The following GPR158 variants were observed in gnomAD, a reference collection of about 807,000 sequenced individuals.
The protein encoded by GPR158 is G protein-coupled receptor 158.
A neutral mutation model predicts 78.2 loss-of-function variants in GPR158; 30 were observed. That is an observed-to-expected ratio of 0.38 (90% CI 0.29 to 0.52). The LOEUF (loss-of-function observed/expected upper bound fraction) is 0.52, where lower values mean the gene tolerates loss of function less well. GPR158 is among the 20% of genes least tolerant of loss of function. GPR158 has a pLI of 0.83. For synonymous variants in GPR158, 581 were observed against 591.1 expected (o/e 0.98, Z 0.25); for missense variants, 1,463 against 1,523.5 (o/e 0.96, Z 0.66).
intron 2 of GPR158, among the ~76,000 whole-genome samples, chr10:25,271,878 G>A (rs1442281542): frequency 6.6e-6 from 1 of 151,994 alleles, no homozygotes. Context: ...GACCTCAGGT[G>A]ATCTGCCCAC....
intron 2 of GPR158, among the ~76,000 whole-genome samples, chr10:25,288,885 A>G (rs1044365138): frequency 6.6e-5 from 10 of 152,162 alleles, no homozygotes; most frequent in Non-Finnish European, 1.5e-4. Flanking sequence ...TCTGTTTTCT[A>G]ACTCTTCTCT....
intron 2 of GPR158, among the ~76,000 whole-genome samples, chr10:25,222,231 T>A (rs1303769024): frequency 6.6e-6 from 1 of 151,754 alleles, no homozygotes; most frequent in Non-Finnish European, 1.5e-5. Context: ...CCAACTATCT[T>A]TTCACTGTTT....
intron 2 of GPR158, among the ~76,000 whole-genome samples, chr10:25,292,217 T>C (rs1471703719): frequency 6.6e-6 from 1 of 152,050 alleles, no homozygotes; most frequent in Non-Finnish European, 1.5e-5. Context: ...AAAAAGGCAC[T>C]TAAGTAAAAA....
At chr10:25,205,371 TG>T (rs1853010213) in intron 1 of GPR158, among the ~76,000 whole-genome samples, 1 of 151,860 alleles carries the variant, frequency 6.6e-6, no homozygotes, top group Admixed American at 6.6e-5. Flanking sequence ...TAGTTTTTCA[TG>T]TCTTAATTTC....
chr10:25,289,010 G>A (rs550713824), intron 2 of GPR158, among the ~76,000 whole-genome samples: 1 of 151,858 alleles, frequency 6.6e-6, no homozygotes, highest in South Asian at 2.1e-4. Flanking sequence ...AGCATGTAGA[G>A]GGACAGAAGT....
chr10:25,378,394 A>G (rs777612416), intron 2 of GPR158, among the ~76,000 whole-genome samples: 1 of 120,012 alleles, frequency 8.3e-6, no homozygotes, highest in African/African-American at 3.0e-5. Flanking sequence ...CTACATAACA[A>G]TGATAGGCAA....
At chr10:25,591,894 C>T (rs529845429) in intron 8 of GPR158, among the ~76,000 whole-genome samples, 3 of 151,994 alleles carry the variant, frequency 2.0e-5, no homozygotes, top group African/African-American at 7.2e-5. Context: ...CTGCATAACA[C>T]TGATTTTGGG....
intron 1 of GPR158, among the ~76,000 whole-genome samples, chr10:25,185,473 A>G (rs1263519953): frequency 1.3e-5 from 2 of 152,200 alleles, no homozygotes; most frequent in African/African-American, 4.8e-5. Flanking sequence ...TGGTTTTACT[A>G]CCTACATGGT....
At chr10:25,306,068 T>C (rs7071299) in intron 2 of GPR158, among the ~76,000 whole-genome samples, 30,787 of 152,100 alleles carry the variant, frequency 0.2, 5,271 homozygotes, top group African/African-American at 0.47. Context: ...TCACTTGACA[T>C]TTAGTGTACA....
At chr10:25,252,047 G>A (rs554828920) in intron 2 of GPR158, among the ~76,000 whole-genome samples, 2,309 of 150,928 alleles carry the variant, frequency 0.015, 41 homozygotes, top group African/African-American at 0.046. Context: ...TTCCCTTCTC[G>A]CTTCATTTCA....
chr10:25,190,531 T>C (rs1308526633), intron 1 of GPR158, among the ~76,000 whole-genome samples: 2 of 152,078 alleles, frequency 1.3e-5, no homozygotes, highest in Admixed American at 1.3e-4. Flanking sequence ...TGGGATTTTA[T>C]CATGTTCCCT....
intron 2 of GPR158, among the ~76,000 whole-genome samples, chr10:25,248,379 G>T (rs1853733853): frequency 6.6e-6 from 1 of 151,902 alleles, no homozygotes; most frequent in Middle Eastern, 3.2e-3. Context: ...TTTTGGACAT[G>T]GTCCTTGCCC....
At chr10:25,239,636 T>A (rs1440665448) in intron 2 of GPR158, among the ~76,000 whole-genome samples, 2 of 151,932 alleles carry the variant, frequency 1.3e-5, no homozygotes, top group East Asian at 1.9e-4. Flanking sequence ...ATCACCAAGT[T>A]TTCCTGGTTG....
Position 25,175,787 on chromosome 10 carries a change from C to T in GPR158, c.367C>T (p.His123Tyr). 3 of 1,611,524 alleles carry T rather than the reference C, an allele frequency of 1.9e-6. No individual in the cohort carries two copies. Among genetic ancestry groups the T allele is most frequent in the Non-Finnish European group, 2.5e-6 (3 of 1,179,962 alleles). The change falls in exon 1 of 11, where the codon CAC becomes TAC. Residue 123 changes from histidine to tyrosine, a missense_variant. By Grantham distance (83) the His-to-Tyr change is moderately conservative (BLOSUM62 2). Transcript: ENST00000376351. The surrounding 1 kb of genome is among the most constrained non-coding windows in gnomAD (Gnocchi z 6.4). ...CCTGGCCAGCGCGCACCCCTCCTTGCACCGGGCGCTGGACACACTGACACA... is the reference window on the plus strand; with the variant it reads ...CCTGGCCAGCGCGCACCCCTCCTTGTACCGGGCGCTGGACACACTGACACA... ...PALASAHPSL[H>Y]RALDTLTHAT...
intron 5 of GPR158, among the ~76,000 whole-genome samples, chr10:25,504,169 G>A (rs1274147169): frequency 6.6e-6 from 1 of 152,116 alleles, no homozygotes; most frequent in African/African-American, 2.4e-5. Context: ...GGGATTACAG[G>A]CATGAGCCAC....
At chr10:25,291,077 G>A (rs976251532) in intron 2 of GPR158, among the ~76,000 whole-genome samples, 10 of 151,878 alleles carry the variant, frequency 6.6e-5, no homozygotes, top group East Asian at 5.8e-4. Context: ...GTCATAATAC[G>A]CATTTCTATA....
At chr10:25,562,531 A>AACCC (rs1222822220) in intron 6 of GPR158, among the ~76,000 whole-genome samples, 3 of 152,198 alleles carry the variant, frequency 2.0e-5, no homozygotes, top group African/African-American at 7.2e-5. Context: ...GTACTTCCTT[A>AACCC]ACCCATTCGT....
At chr10:25,414,798 C>T (rs193137733) in intron 4 of GPR158, among the ~76,000 whole-genome samples, 2 of 152,196 alleles carry the variant, frequency 1.3e-5, no homozygotes, top group East Asian at 3.9e-4. Context: ...GAACAAAGCT[C>T]ACATAATTTA....
chr10:25,215,992 A>G (rs992748034), intron 1 of GPR158, among the ~76,000 whole-genome samples: 1 of 152,234 alleles, frequency 6.6e-6, no homozygotes, highest in Non-Finnish European at 1.5e-5. Flanking sequence ...TCTACCTACT[A>G]TATAACAAAA....
Sources: gnomAD v4.1 joint callset for allele counts (sites outside exome capture counted in the v4.1 genomes callset) on GRCh38, gnomAD v4.1.1 for gene constraint, Gnocchi (gnomAD v3.1) non-coding constraint, MANE v1.5 for transcripts, NCBI Gene and HGNC (gene_info 2026-07-23, HGNC 2026-07-21) for gene names.